Variants in MKLN1 observed in about 807,000 individuals in gnomAD.
MKLN1 encodes muskelin 1.
MKLN1 carries 18 observed loss-of-function variants against 99.0 expected under a neutral mutation model. That is an observed-to-expected ratio of 0.18 (90% CI 0.13 to 0.27). MKLN1 has a LOEUF of 0.27. Ranked by LOEUF, MKLN1 falls within the 10% of genes least tolerant of loss-of-function variation. The pLI is 1.00. For missense variants in MKLN1, 621 were observed against 875.9 expected (o/e 0.71, Z 3.67); for synonymous variants, 288 against 293.2 (o/e 0.98, Z 0.18).
chr7:131,171,725 T>G (rs1405086082), intron 2 of MKLN1, among the ~76,000 whole-genome samples: 3 of 152,220 alleles, frequency 2.0e-5, no homozygotes, highest in Admixed American at 2.0e-4. Flanking sequence ...CCCAAAGTGC[T>G]GGGATTACAG....
intron 3 of MKLN1, among the ~76,000 whole-genome samples, chr7:131,211,638 T>G (rs1796908274): frequency 6.6e-6 from 1 of 152,110 alleles, no homozygotes; most frequent in Admixed American, 6.6e-5. Context: ...TCTGCATTAA[T>G]TTTTTAGTCC....
intron 12 of MKLN1, among the ~76,000 whole-genome samples, chr7:131,458,194 A>C (rs1796407349): frequency 6.6e-6 from 1 of 152,208 alleles, no homozygotes; most frequent in Admixed American, 6.5e-5. Context: ...AAAACGATAA[A>C]GTTTAAAAGT....
intron 8 of MKLN1, among the ~76,000 whole-genome samples, chr7:131,416,294 A>G (rs1385811672): frequency 1.3e-5 from 2 of 152,208 alleles, no homozygotes; most frequent in Non-Finnish European, 2.9e-5. Context: ...GTTAATTATT[A>G]TGAGAGATGA....
intron 3 of MKLN1, among the ~76,000 whole-genome samples, chr7:131,240,163 A>G (rs1711593525): frequency 6.6e-6 from 1 of 152,188 alleles, no homozygotes; most frequent in African/African-American, 2.4e-5. Flanking sequence ...CCTGGGTGAC[A>G]GAGCAAGATC....
intron 3 of MKLN1, among the ~76,000 whole-genome samples, chr7:131,230,387 A>T (rs1017191858): frequency 6.6e-6 from 1 of 152,142 alleles, no homozygotes; most frequent in Admixed American, 6.5e-5. Flanking sequence ...TATTTGATTT[A>T]CAAACTTATT....
At chr7:131,449,944 G>C (rs1796131010) in intron 12 of MKLN1, among the ~76,000 whole-genome samples, 1 of 152,156 alleles carries the variant, frequency 6.6e-6, no homozygotes, top group South Asian at 2.1e-4. Context: ...GTAGAGATGG[G>C]TTAACCCTCT....
intron 3 of MKLN1, among the ~76,000 whole-genome samples, chr7:131,294,643 G>T (rs574143342): frequency 6.6e-6 from 1 of 152,258 alleles, no homozygotes; most frequent in East Asian, 1.9e-4. Flanking sequence ...CTGAGGAAGG[G>T]GGCTTCTCTC....
intron 15 of MKLN1, among the ~76,000 whole-genome samples, chr7:131,468,231 T>TG (rs1796712971): frequency 6.6e-6 from 1 of 152,244 alleles, no homozygotes. Flanking sequence ...TTGAAAATCT[T>TG]GTCAACTACT....
chr7:131,430,858 G>T (rs1795502070), intron 9 of MKLN1, among the ~76,000 whole-genome samples: 2 of 152,248 alleles, frequency 1.3e-5, no homozygotes, highest in South Asian at 4.1e-4. Flanking sequence ...AGGATTGGAG[G>T]TGGAGACTGC....
chr7:131,142,176 T>C (rs1284071668), intron 1 of MKLN1, among the ~76,000 whole-genome samples: 1 of 151,248 alleles, frequency 6.6e-6, no homozygotes, highest in Non-Finnish European at 1.5e-5. Context: ...GAGGTCGAGG[T>C]GGGCAGATCA....
chr7:131,349,602 C>T (rs1038321294), intron 1 of MKLN1, among the ~76,000 whole-genome samples: 2 of 152,152 alleles, frequency 1.3e-5, no homozygotes, highest in Admixed American at 1.3e-4. Context: ...ATTTAATGAT[C>T]TTTGCATTAG....
At chr7:131,241,907 G>A (rs1413924762) in intron 3 of MKLN1, among the ~76,000 whole-genome samples, 1 of 151,938 alleles carries the variant, frequency 6.6e-6, no homozygotes, top group Non-Finnish European at 1.5e-5. Flanking sequence ...TTGTCTTTCC[G>A]AATCACCCTG....
At chr7:131,359,470 T>C (rs528868644) in intron 1 of MKLN1, among the ~76,000 whole-genome samples, 2 of 152,196 alleles carry the variant, frequency 1.3e-5, no homozygotes, top group Non-Finnish European at 2.9e-5. Context: ...TCTGCTGTTA[T>C]TGGGTGAAAT....
intron 1 of MKLN1, among the ~76,000 whole-genome samples, chr7:131,335,590 A>G (rs989393862): frequency 1.1e-4 from 16 of 152,138 alleles, no homozygotes; most frequent in African/African-American, 3.6e-4. Flanking sequence ...TTTCCTCTCA[A>G]CACATTTTAG....
In MKLN1 at chr7:131,223,042, A is replaced by T. The variant is rs1298160327; in HGVS notation, c.-179+20068A>T. On this transcript the variant is annotated intron_variant, in intron 3 of 7. Coordinates refer to the MKLN1 transcript ENST00000416992. Reference sequence around the variant, plus strand: ...AGAGCAAGACTCTGTCTCAGAAAAAAAAATAAATAAATACAGTTTCAGCAT... The same window carrying T: ...AGAGCAAGACTCTGTCTCAGAAAAATAAATAAATAAATACAGTTTCAGCAT... Among the ~76,000 whole-genome samples, 5 of 152,158 alleles carry T rather than the reference A, an allele frequency of 3.3e-5. No homozygotes were observed. In the East Asian group the frequency reaches 5.8e-4, roughly 18 times the overall value.
intron 1 of MKLN1, among the ~76,000 whole-genome samples, chr7:131,110,493 C>G (rs1213707123): frequency 6.6e-6 from 1 of 152,156 alleles, no homozygotes; most frequent in South Asian, 2.1e-4. Context: ...ATCAGCCCAT[C>G]GGCCTGGCGC....
intron 3 of MKLN1, among the ~76,000 whole-genome samples, chr7:131,206,534 A>AATTATTATT (rs559998648): frequency 1.1e-4 from 16 of 148,348 alleles, no homozygotes; most frequent in African/African-American, 3.7e-4. Flanking sequence ...GTATGTGTAT[A>AATTATTATT]ATTATTATTA....
chr7:131,327,921 G>C lies in MKLN1; in HGVS notation c.22G>C (p.Ala8Pro), dbSNP rs1054866508. 1.2e-6 allele frequency: 2 copies of C among 1,612,796 alleles called. No homozygotes were observed. Among genetic ancestry groups the C allele is most frequent in the African/African-American group, 2.7e-5 (2 of 74,922 alleles). Residue 8 changes from alanine (A) to proline (P), a missense_variant, in exon 1 of 18, where the codon GCT becomes CCT. By Grantham distance (27) the Ala-to-Pro change is conservative. Around this residue, in one of 8 missense-constraint regions of MKLN1, gnomAD observed 58 missense variants for 40.0 expected, o/e 1.45. Coordinates refer to ENST00000352689, the MANE Select transcript of MKLN1 (RefSeq NM_013255.5). MAAGGAVAAAPECRLLPY... is the reference protein window; with the variant it reads MAAGGAVPAAPECRLLPY... ...CAAGATGGCGGCTGGCGGAGCTGTC[G>C]CTGCGGCGCCCGAGTGCCGGCTTCT...
chr7:131,368,462 T>C (rs1257623288), intron 1 of MKLN1, among the ~76,000 whole-genome samples: 1 of 152,024 alleles, frequency 6.6e-6, no homozygotes, highest in Non-Finnish European at 1.5e-5. Flanking sequence ...GTAGGCTTGA[T>C]AGGAAGCATG....
Sources: gnomAD v4.1 joint callset for allele counts (sites outside exome capture counted in the v4.1 genomes callset) on GRCh38, gnomAD v4.1.1 for gene constraint, gnomAD v4.1.1 regional missense constraint, MANE v1.5 for transcripts, NCBI Gene and HGNC (gene_info 2026-07-23, HGNC 2026-07-21) for gene names.